SHTN1: variants seen among roughly 807,000 people sequenced by gnomAD.
SHTN1 encodes the protein shootin-1.
A neutral mutation model predicts 83.1 loss-of-function variants in SHTN1; 42 were observed. The observed-to-expected ratio is 0.51, with a 90% CI of 0.39 to 0.65. The LOEUF (loss-of-function observed/expected upper bound fraction) is 0.65. SHTN1 is among the 30% of genes least tolerant of loss of function. SHTN1 has a pLI of 0.00. For missense variants in SHTN1, 622 were observed against 737.8 expected (o/e 0.84, Z 1.82); for synonymous variants, 224 against 247.7 (o/e 0.90, Z 0.90).
At chr10:116,905,073 C>T (rs1004801567) in intron 15 of SHTN1, among the ~76,000 whole-genome samples, 22 of 151,620 alleles carry the variant, frequency 1.5e-4, no homozygotes, top group South Asian at 1.1e-3. Flanking sequence ...CGGTGGCGGG[C>T]GCCTGTAGTC....
chr10:116,994,732 A>T (rs969980345), intron 1 of SHTN1, among the ~76,000 whole-genome samples: 1 of 152,106 alleles, frequency 6.6e-6, no homozygotes, highest in Admixed American at 6.5e-5. Context: ...TTTCACAGTG[A>T]CCTGTGATCC....
intron 12 of SHTN1, among the ~76,000 whole-genome samples, chr10:116,920,545 C>T (rs1271511001): frequency 6.6e-6 from 1 of 152,160 alleles, no homozygotes; most frequent in Non-Finnish European, 1.5e-5. Context: ...TGAATGACTG[C>T]AATAGTCTTC....
chr10:116,967,335 G>A (rs1350208730), intron 3 of SHTN1, among the ~76,000 whole-genome samples: 1 of 152,228 alleles, frequency 6.6e-6, no homozygotes, highest in Non-Finnish European at 1.5e-5. Context: ...TTGTGGGAAT[G>A]TAACTTTCTT....
chr10:117,063,574 T>G (rs1239321497), intron 1 of SHTN1, among the ~76,000 whole-genome samples: 1 of 152,198 alleles, frequency 6.6e-6, no homozygotes, highest in African/African-American at 2.4e-5. Flanking sequence ...GATTTCTGTT[T>G]TCCTTATGTG....
intron 1 of SHTN1, among the ~76,000 whole-genome samples, chr10:117,071,341 T>C (rs1188735357): frequency 6.6e-6 from 1 of 152,172 alleles, no homozygotes; most frequent in Non-Finnish European, 1.5e-5. Context: ...TACTCTCTGT[T>C]TTCTGGCCCT....
chr10:117,006,507 A>T (rs967869467), upstream of SHTN1, among the ~76,000 whole-genome samples: 7 of 148,284 alleles, frequency 4.7e-5, no homozygotes, highest in Non-Finnish European at 1.0e-4. Flanking sequence ...CGGAGCTTGC[A>T]GTGAGCCGAG....
chr10:117,063,418 A>G (rs1252480610), intron 1 of SHTN1, among the ~76,000 whole-genome samples: 2 of 152,160 alleles, frequency 1.3e-5, no homozygotes, highest in African/African-American at 4.8e-5. Flanking sequence ...GGTTCTAAGA[A>G]TATCATCAGT....
At chr10:117,026,094 T>C (rs941272469) in intron 2 of SHTN1, among the ~76,000 whole-genome samples, 6 of 152,004 alleles carry the variant, frequency 3.9e-5, no homozygotes, top group East Asian at 3.9e-4. Context: ...CACAGGGAGG[T>C]AGAGCACCAA....
At chr10:116,951,389 C>T (rs1258467787) in intron 6 of SHTN1, among the ~76,000 whole-genome samples, 1 of 152,184 alleles carries the variant, frequency 6.6e-6, no homozygotes, top group Non-Finnish European at 1.5e-5. Context: ...TGCCACTGCA[C>T]TCCAGCCTGA....
At chr10:117,064,827 G>A (rs1446594033) in intron 1 of SHTN1, among the ~76,000 whole-genome samples, 3 of 152,094 alleles carry the variant, frequency 2.0e-5, no homozygotes, top group Non-Finnish European at 2.9e-5. Context: ...GGATAATTCC[G>A]TTAGCCTCAT....
intron 13 of SHTN1, among the ~76,000 whole-genome samples, chr10:116,914,469 TAAA>T (rs75969895): frequency 2.2e-5 from 3 of 135,082 alleles, no homozygotes; most frequent in Admixed American, 1.5e-4. Context: ...AGACTCCATC[TAAA>T]AAAAAAAAAA....
At chr10:117,099,915 C>T (rs1049400828) in intron 1 of SHTN1, among the ~76,000 whole-genome samples, 2 of 152,008 alleles carry the variant, frequency 1.3e-5, no homozygotes, top group African/African-American at 4.8e-5. Context: ...TGGTGGCTCA[C>T]ACCTGTAATC....
At chr10:116,941,108 C>T (rs1849356678) in intron 8 of SHTN1, among the ~76,000 whole-genome samples, 1 of 152,182 alleles carries the variant, frequency 6.6e-6, no homozygotes, top group African/African-American at 2.4e-5. Flanking sequence ...CTACTATCAT[C>T]TAATTTTACT....
chr10:116,885,177 G>A lies in SHTN1; in HGVS notation c.*1167C>T, dbSNP rs749829443. ...TACTATCATTTTCTTTTGCCCTTAG[G>A]TGAAAAACACCTGACAGCTACATGC... On this transcript the variant is annotated 3_prime_UTR_variant, in exon 17 of 17. Coordinates refer to ENST00000355371, the MANE Select transcript of SHTN1 (RefSeq NM_001127211.3). 2.6e-5 allele frequency: 4 copies of A among 152,542 alleles called. No homozygotes were observed. Among genetic ancestry groups the A allele is most frequent in the Non-Finnish European group, 4.4e-5 (3 of 68,034 alleles). The allele number at this position is 152,542 out of a possible 1,614,324, so 9.4% of individuals were successfully genotyped here. A position where few individuals can be genotyped will look rare whatever the true frequency, so the allele number is the denominator to read the frequency against.
chr10:117,100,125 C>T lies in SHTN1; in HGVS notation c.-189+26182G>A, dbSNP rs547142180. On this transcript the variant is annotated intron_variant, in intron 1 of 17. Transcript: ENST00000392901. ...CTTGGAGGTGGAGGTTGCGGTGAGC[C>T]GAGATAGCGCCATTGCACTCCAGCC... Among the ~76,000 whole-genome samples, 49 of 152,020 alleles carry T rather than the reference C, an allele frequency of 3.2e-4. No individual in the cohort carries two copies. In the Middle Eastern group the frequency reaches 0.014, roughly 42 times the overall value.
chr10:116,922,408 T>C (rs967901643), intron 11 of SHTN1, among the ~76,000 whole-genome samples: 2 of 151,916 alleles, frequency 1.3e-5, no homozygotes, highest in Non-Finnish European at 2.9e-5. Flanking sequence ...TTTGTAATTA[T>C]CTAGTAGAGC....
intron 1 of SHTN1, among the ~76,000 whole-genome samples, chr10:117,101,829 C>T (rs1163074560): frequency 6.6e-6 from 1 of 152,050 alleles, no homozygotes; most frequent in Non-Finnish European, 1.5e-5. Flanking sequence ...ACTTTTGGAC[C>T]ACTTGGCTGA....
At chr10:117,103,082 TTTG>T (rs950943132) in intron 1 of SHTN1, among the ~76,000 whole-genome samples, 5 of 152,246 alleles carry the variant, frequency 3.3e-5, no homozygotes, top group Admixed American at 1.3e-4. Context: ...TTGTTTTGTT[TTTG>T]TTGTTGTTGT....
intron 2 of SHTN1, among the ~76,000 whole-genome samples, chr10:117,012,461 A>G (rs1300776789): frequency 6.6e-6 from 1 of 152,174 alleles, no homozygotes; most frequent in Non-Finnish European, 1.5e-5. Context: ...ATAGTGAATC[A>G]CTTTTTTTCT....
Sources: allele counts gnomAD v4.1 joint callset (sites outside exome capture counted in the v4.1 genomes callset), GRCh38; gene constraint gnomAD v4.1.1; transcripts MANE v1.5; gene names NCBI Gene and HGNC (gene_info 2026-07-23, HGNC 2026-07-21).